CADM2: variants seen among roughly 807,000 people sequenced by gnomAD.
CADM2 encodes the protein immunoglobulin superfamily member 4D.
In CADM2, 12 loss-of-function variants were observed where a neutral mutation model predicts 49.8. The ratio of observed to expected loss-of-function variants is 0.24; its 90% confidence interval spans 0.15 to 0.39. The LOEUF is 0.39. Ranked by LOEUF, CADM2 falls within the 10% of genes least tolerant of loss-of-function variation. CADM2 has a pLI of 1.00. For missense variants in CADM2, 378 were observed against 492.3 expected (o/e 0.77, Z 2.20); for synonymous variants, 214 against 175.4 (o/e 1.22, Z -1.74).
intron 1 of CADM2, among the ~76,000 whole-genome samples, chr3:85,010,671 C>G (rs2033943103): frequency 6.6e-6 from 1 of 151,760 alleles, no homozygotes; most frequent in South Asian, 2.1e-4. Flanking sequence ...TTAAACCTGT[C>G]CTTGTTACTC....
chr3:85,938,204 C>A (rs1721416344), intron 7 of CADM2, among the ~76,000 whole-genome samples: 3 of 151,964 alleles, frequency 2.0e-5, no homozygotes, highest in Admixed American at 2.0e-4. Context: ...AATTTTTAGC[C>A]TTTCTGTAGT....
In CADM2 at chr3:85,873,830, C is replaced by T. The variant is rs188349605; in HGVS notation, c.239-9461C>T. On this transcript the variant is annotated intron_variant, in intron 3 of 9. Transcript: ENST00000383699. ...AATATTCATTATAATCAGTAATTTGCTAATTTTTTAAAGATAATATTTTAT... is the reference window on the plus strand; with the variant it reads ...AATATTCATTATAATCAGTAATTTGTTAATTTTTTAAAGATAATATTTTAT... 9.6e-3 allele frequency among the ~76,000 whole-genome samples: 1,456 copies of T among 152,026 alleles called. 11 individuals carry two copies. The highest frequency in any genetic ancestry group is 0.016 in the Non-Finnish European group (1,081 of 67,976).
At chr3:85,398,830 T>C (rs112175840) in intron 1 of CADM2, among the ~76,000 whole-genome samples, 3,013 of 152,306 alleles carry the variant, frequency 0.02, 86 homozygotes, top group African/African-American at 0.067. Flanking sequence ...GTTCATATCC[T>C]TTGCCCAGTT....
chr3:86,069,365 T>C lies in CADM2; in HGVS notation c.*2582T>C, dbSNP rs1739642137. On this transcript the variant is annotated 3_prime_UTR_variant, in exon 10 of 10. Transcript: ENST00000383699. ...TTATTATACTAGTTATAAATGCTGG[T>C]ATATTATAATTTGTGGGATCTAATT... 6.6e-6 allele frequency: 1 copy of C among 152,004 alleles called. No homozygotes were observed. Among genetic ancestry groups the C allele is most frequent in the Non-Finnish European group, 1.5e-5 (1 of 67,896 alleles). The allele number at this position is 152,004 out of a possible 1,614,324, so 9.4% of individuals were successfully genotyped here.
At chr3:85,431,600 A>G (rs778653262) in intron 1 of CADM2, among the ~76,000 whole-genome samples, 1 of 151,664 alleles carries the variant, frequency 6.6e-6, no homozygotes, top group Non-Finnish European at 1.5e-5. Flanking sequence ...AGTGGTTGAA[A>G]TAAAAAGGAC....
At chr3:85,882,754 C>G (rs537648033) in intron 3 of CADM2, among the ~76,000 whole-genome samples, 1 of 152,262 alleles carries the variant, frequency 6.6e-6, no homozygotes, top group South Asian at 2.1e-4. Context: ...GTGGCACCAA[C>G]CAATCAGAGC....
intron 1 of CADM2, among the ~76,000 whole-genome samples, chr3:85,334,457 A>G (rs1052255045): frequency 6.6e-6 from 1 of 151,628 alleles, no homozygotes; most frequent in Non-Finnish European, 1.5e-5. Flanking sequence ...GAATTATTTC[A>G]ACAAAATATT....
chr3:85,252,179 C>G (rs1028374972), intron 1 of CADM2, among the ~76,000 whole-genome samples: 3 of 151,860 alleles, frequency 2.0e-5, no homozygotes, highest in Non-Finnish European at 4.4e-5. Context: ...TAAAGAGATA[C>G]CATTTATATA....
At chr3:85,512,701 A>C (rs1187120979) in intron 1 of CADM2, among the ~76,000 whole-genome samples, 1 of 152,082 alleles carries the variant, frequency 6.6e-6, no homozygotes, top group African/African-American at 2.4e-5. Flanking sequence ...AGTGATTTTC[A>C]AATACAAAAA....
At chr3:85,217,945 A>G (rs1331354957) in intron 1 of CADM2, among the ~76,000 whole-genome samples, 2 of 152,078 alleles carry the variant, frequency 1.3e-5, no homozygotes, top group African/African-American at 4.8e-5. Context: ...TTCTCTTTAA[A>G]TAACTTTGTT....
chr3:85,006,684 A>T (rs1427853139), intron 1 of CADM2, among the ~76,000 whole-genome samples: 1 of 152,166 alleles, frequency 6.6e-6, no homozygotes, highest in East Asian at 1.9e-4. Context: ...ATGCCAAGCT[A>T]ATATGTACAC....
intron 8 of CADM2, among the ~76,000 whole-genome samples, chr3:85,971,228 G>T (rs532195689): frequency 1.3e-5 from 2 of 151,494 alleles, no homozygotes; most frequent in Non-Finnish European, 3.0e-5. Flanking sequence ...ATGGACTCTC[G>T]TATGTCCTGA....
intron 2 of CADM2, among the ~76,000 whole-genome samples, chr3:85,797,921 G>C (rs1297678546): frequency 6.6e-6 from 1 of 152,156 alleles, no homozygotes; most frequent in Admixed American, 6.5e-5. Flanking sequence ...TCCAGCATCT[G>C]TTGTTTCCTG....
intron 1 of CADM2, among the ~76,000 whole-genome samples, chr3:85,334,789 A>G (rs1322133368): frequency 6.6e-6 from 1 of 151,572 alleles, no homozygotes; most frequent in African/African-American, 2.4e-5. Context: ...CTTCTTAAAT[A>G]TTGAGGCTAA....
intron 1 of CADM2, among the ~76,000 whole-genome samples, chr3:85,545,925 G>A (rs553405438): frequency 6.6e-6 from 1 of 152,142 alleles, no homozygotes; most frequent in Non-Finnish European, 1.5e-5. Flanking sequence ...AGATTAAAAT[G>A]CCTACTAATT....
At chr3:85,014,009 T>C (rs950387305) in intron 1 of CADM2, among the ~76,000 whole-genome samples, 3 of 144,180 alleles carry the variant, frequency 2.1e-5, no homozygotes, top group South Asian at 4.3e-4. Flanking sequence ...AATAATATTG[T>C]ATATTATATA....
chr3:86,068,688 A>G lies in CADM2; in HGVS notation c.*1905A>G, dbSNP rs1488357748. ...TTATCTTGTTGATTTCTTACAAAAGAAAAAGGACGATGTCAGTCAAGCAGC... is the reference window on the plus strand; with the variant it reads ...TTATCTTGTTGATTTCTTACAAAAGGAAAAGGACGATGTCAGTCAAGCAGC... On this transcript the variant is annotated 3_prime_UTR_variant, in exon 10 of 10. Transcript: ENST00000383699. The G allele has an allele frequency of 2.0e-5, 3 of 152,360 alleles. No individual in the cohort carries two copies. Among genetic ancestry groups the G allele is most frequent in the Non-Finnish European group, 4.4e-5 (3 of 67,840 alleles). The allele number at this position is 152,360 out of a possible 1,614,324, so 9.4% of individuals were successfully genotyped here.
intron 1 of CADM2, among the ~76,000 whole-genome samples, chr3:85,261,204 T>G (rs908751831): frequency 1.3e-5 from 2 of 152,154 alleles, no homozygotes; most frequent in Admixed American, 1.3e-4. Context: ...TGGCAAGATC[T>G]TGGCTCATTG....
At chr3:85,460,818 A>G (rs941892259) in intron 1 of CADM2, among the ~76,000 whole-genome samples, 6 of 151,856 alleles carry the variant, frequency 4.0e-5, no homozygotes, top group Non-Finnish European at 8.8e-5. Context: ...GAAAGTGTCT[A>G]ATAGATAATT....
Sources: gnomAD v4.1 joint callset for allele counts (sites outside exome capture counted in the v4.1 genomes callset) on GRCh38, gnomAD v4.1.1 for gene constraint, MANE v1.5 for transcripts, NCBI Gene and HGNC (gene_info 2026-07-23, HGNC 2026-07-21) for gene names.